Variants in PKNOX2 observed in about 807,000 individuals in gnomAD.
The protein encoded by PKNOX2 is PBX/knotted 1 homeobox 2.
In PKNOX2, 14 loss-of-function variants were observed where a neutral mutation model predicts 53.1. That is an observed-to-expected ratio of 0.26 (90% CI 0.17 to 0.41). The LOEUF (loss-of-function observed/expected upper bound fraction) is 0.41, where lower values mean the gene tolerates loss of function less well. Among genes scored for constraint, PKNOX2 ranks in the 10% least tolerant of loss-of-function variants. The probability of loss-of-function intolerance (pLI) is 1.00; values close to 1 mark genes in which losing one functional copy is unlikely to be tolerated. For synonymous variants in PKNOX2, 257 were observed against 242.8 expected, an observed-to-expected ratio of 1.06 and a Z score of -0.54; for missense variants, 496 against 602.8, an observed-to-expected ratio of 0.82 and a Z score of 1.85.
chr11:125,385,400 A>G (rs931560902), intron 5 of PKNOX2, 151 bp from the exon 6 acceptor site: 26 of 846,244 alleles, frequency 3.1e-5, no homozygotes, highest in Non-Finnish European at 4.5e-5. Context: ...GCTGCCATCT[A>G]GATTGACCAT....
chr11:125,201,630 C>T (rs1218511609), intron 1 of PKNOX2, among the ~76,000 whole-genome samples: 1 of 152,194 alleles, frequency 6.6e-6, no homozygotes, highest in Admixed American at 6.5e-5. Context: ...GACAGATTCA[C>T]TGGAAGCAGG....
At chr11:125,355,931 C>A (rs559532959) in intron 4 of PKNOX2, among the ~76,000 whole-genome samples, 1 of 152,186 alleles carries the variant, frequency 6.6e-6, no homozygotes, top group South Asian at 2.1e-4. Context: ...ACTTCTATAG[C>A]TCCATCAGCC....
At chr11:125,327,707 C>T (rs761996869) in intron 2 of PKNOX2, among the ~76,000 whole-genome samples, 1 of 152,088 alleles carries the variant, frequency 6.6e-6, no homozygotes, top group East Asian at 1.9e-4. Flanking sequence ...TGAGTGGTCC[C>T]CCTTGTGCTT....
chr11:125,306,107 C>T (rs1024617998), intron 2 of PKNOX2, among the ~76,000 whole-genome samples: 2 of 152,106 alleles, frequency 1.3e-5, no homozygotes, highest in African/African-American at 4.8e-5. Flanking sequence ...TCCCCTCACC[C>T]AGGAGGCATG....
chr11:125,349,459 T>C (rs1173130563), intron 3 of PKNOX2, among the ~76,000 whole-genome samples: 1 of 152,202 alleles, frequency 6.6e-6, no homozygotes, highest in East Asian at 1.9e-4. Flanking sequence ...GTTGTGAAGA[T>C]ATCCTGGTAG....
intron 1 of PKNOX2, among the ~76,000 whole-genome samples, chr11:125,226,520 A>G (rs536527094): frequency 6.6e-6 from 1 of 152,166 alleles, no homozygotes; most frequent in African/African-American, 2.4e-5. Flanking sequence ...TCATAACACT[A>G]TGAGGACAAG....
chr11:125,252,674 G>C (rs1487828590), intron 2 of PKNOX2, among the ~76,000 whole-genome samples: 1 of 152,128 alleles, frequency 6.6e-6, no homozygotes, highest in Admixed American at 6.6e-5. Context: ...ACGAGGACAA[G>C]GTGTGGTACC....
chr11:125,407,069 GCCAGTC>G (rs1383926801), intron 7 of PKNOX2, among the ~76,000 whole-genome samples: 1 of 151,926 alleles, frequency 6.6e-6, no homozygotes, highest in Admixed American at 6.6e-5. Flanking sequence ...CTAAAACGTT[GCCAGTC>G]CCAGCCCTGC....
At chr11:125,363,086 G>A (rs947400300) in intron 4 of PKNOX2, among the ~76,000 whole-genome samples, 13 of 152,332 alleles carry the variant, frequency 8.5e-5, no homozygotes, top group South Asian at 2.1e-4. Flanking sequence ...CGAGAGGGAC[G>A]TGCATGGAGG....
chr11:125,424,460 C>T (rs753055994), intron 10 of PKNOX2, among the ~76,000 whole-genome samples: 3 of 152,100 alleles, frequency 2.0e-5, no homozygotes, highest in Non-Finnish European at 4.4e-5. Context: ...ATCCTGGCTG[C>T]CTTCCTCTGG....
intron 1 of PKNOX2, among the ~76,000 whole-genome samples, chr11:125,183,198 C>CTTTTTTT (rs10676031): frequency 2.3e-5 from 2 of 85,856 alleles, no homozygotes; most frequent in African/African-American, 6.0e-5. Context: ...GCGATGAATC[C>CTTTTTTT]TTTTTTTTTT....
At chr11:125,309,670 G>A (rs938633417) in intron 2 of PKNOX2, among the ~76,000 whole-genome samples, 3 of 152,108 alleles carry the variant, frequency 2.0e-5, no homozygotes, top group Non-Finnish European at 2.9e-5. Flanking sequence ...TTACAGGCGT[G>A]AGCGACTGTG....
At chr11:125,313,929 C>G (rs75888646) in intron 2 of PKNOX2, among the ~76,000 whole-genome samples, 2 of 152,252 alleles carry the variant, frequency 1.3e-5, no homozygotes, top group African/African-American at 2.4e-5. Context: ...TAGTACTTAC[C>G]GCACAGGATG....
At chr11:125,236,695 G>T (rs1440743914) in intron 2 of PKNOX2, among the ~76,000 whole-genome samples, 1 of 152,192 alleles carries the variant, frequency 6.6e-6, no homozygotes, top group Admixed American at 6.5e-5. Context: ...GAAATGGAAA[G>T]ATTCAAATGA....
intron 9 of PKNOX2, chr11:125,411,458 GTCTTTCTCTCTC>G (rs1286805542): frequency 9.6e-5 from 31 of 321,572 alleles, no homozygotes; most frequent in African/African-American, 4.6e-4. Context: ...TGTTTCCTCT[GTCTTTCTCTCTC>G]TCTCTCTCTC....
chr11:125,230,229 A>G (rs896453665), intron 1 of PKNOX2, among the ~76,000 whole-genome samples: 17 of 152,260 alleles, frequency 1.1e-4, no homozygotes, highest in African/African-American at 3.9e-4. Flanking sequence ...TGCTGGATGC[A>G]TAAGAGTCTC....
chr11:125,361,190 C>T (rs910141466), intron 4 of PKNOX2, among the ~76,000 whole-genome samples: 10 of 152,304 alleles, frequency 6.6e-5, no homozygotes, highest in South Asian at 6.2e-4. Context: ...ACTGAGGCTA[C>T]GACAGTAAAC....
chr11:125,351,483 C>A, intron 4 of PKNOX2, 91 bp downstream of exon 4: 2 of 828,186 alleles, frequency 2.4e-6, no homozygotes, highest in Non-Finnish European at 3.9e-6. Flanking sequence ...TTCCAGGGGC[C>A]GACGGGCAGA....
chr11:125,174,596 C>G (rs367797281), intron 1 of PKNOX2, among the ~76,000 whole-genome samples: 3 of 152,146 alleles, frequency 2.0e-5, no homozygotes, highest in Admixed American at 6.5e-5. Context: ...ACACCTAGCC[C>G]AGCAGTGGGA....
Sources: allele counts gnomAD v4.1 joint callset (sites outside exome capture counted in the v4.1 genomes callset), GRCh38; gene constraint gnomAD v4.1.1; transcripts MANE v1.5; gene names NCBI Gene and HGNC (gene_info 2026-07-23, HGNC 2026-07-21).